TMEM221: variants seen among roughly 807,000 people sequenced by gnomAD.
The protein encoded by TMEM221 is Putative transmembrane protein ENSP00000342162.
TMEM221 carries 11 observed loss-of-function variants against 10.2 expected under a neutral mutation model. The ratio of observed to expected loss-of-function variants is 1.08; its 90% CI spans 0.68 to 1.79. The LOEUF (loss-of-function observed/expected upper bound fraction) is 1.79. TMEM221 is among the 40% of genes most tolerant of loss of function. The pLI is 0.00. For missense variants in TMEM221, 382 were observed against 417.7 expected, an observed-to-expected ratio of 0.91 and a Z score of 0.75; for synonymous variants, 172 against 199.8, an observed-to-expected ratio of 0.86 and a Z score of 1.18.
At position 17,435,837 on chromosome 19, in the gene TMEM221, G is replaced by A. The variant is rs1568396001; in HGVS notation, c.*621C>T. On this transcript the variant is annotated 3_prime_UTR_variant, in exon 3 of 3. Coordinates refer to ENST00000341130, the MANE Select transcript of TMEM221 (RefSeq NM_001190844.2). ...GTCCAGCTCTCCAGCCGTGCCCCTG[G>A]CCCTGGGCTGCTCCAAGCTTGGCAC... 1 of 152,500 alleles carries A rather than the reference G, an allele frequency of 6.6e-6. No individual in the cohort carries two copies. The highest frequency in any genetic ancestry group is 1.9e-4 in the East Asian group (1 of 5,194). The allele number at this position is 152,500 out of a possible 1,614,324, so 9.4% of individuals were successfully genotyped here.
intron 2 of TMEM221, among the ~76,000 whole-genome samples, chr19:17,437,620 C>T (rs907532341): frequency 6.6e-6 from 1 of 152,120 alleles, no homozygotes; most frequent in Non-Finnish European, 1.5e-5. Context: ...CCCAGCTCCT[C>T]AGGAGGCTGA....
Position 17,436,750 on chromosome 19 carries a change from A to G in TMEM221, c.584T>C (p.Leu195Pro). Residue 195 changes from leucine to proline, a missense_variant, in exon 3 of 3, where the codon CTC becomes CCC. Leu to Pro is a moderately conservative substitution (Grantham distance 98). Transcript: ENST00000341130. ...ELSPPSFEDD[L>P]ARPAEVSKAS... ...CTTGGAGACTTCGGCAGGGCGGGCG[A>G]GGTCGTCTTCAAAGGATGGCGGGGA... The G allele has an allele frequency of 6.6e-7, 1 of 1,523,326 alleles. No individual in the cohort carries two copies. The highest frequency in any genetic ancestry group is 8.8e-7 in the Non-Finnish European group (1 of 1,139,024). 94.4% of individuals were successfully genotyped at this position (1,523,326 alleles called of 1,614,324 possible).
chr19:17,445,245 A>G lies in TMEM221; in HGVS notation c.360T>C (p.His120=), dbSNP rs3810209. 0.89 allele frequency: 1,372,563 copies of G among 1,535,686 alleles called. 623,008 individuals are homozygous for G. The highest frequency in any genetic ancestry group is 0.94 in the Non-Finnish European group (1,073,390 of 1,146,644). ...CACAGCAGAAAAGGCCAAGGGCCAC[A>G]TGTCTGAGGAGGCGGCAGTCGTAGA... ...WFLYDCRLLR[H]VALGLFCCGI... The change falls in exon 2 of 3, where the codon CAT becomes CAC. Residue 120 remains histidine, a synonymous_variant. Coordinates refer to ENST00000341130, the MANE Select transcript of TMEM221 (RefSeq NM_001190844.2).
chr19:17,444,663 G>T (rs34625761), intron 2 of TMEM221: 40,287 of 142,734 alleles, frequency 0.28, 7,008 homozygotes, highest in Non-Finnish European at 0.38. Flanking sequence ...GAGGAGCTGG[G>T]ACTACAGGTG....
intron 2 of TMEM221, among the ~76,000 whole-genome samples, chr19:17,438,799 T>G (rs1024863608): frequency 6.6e-6 from 1 of 151,232 alleles, no homozygotes; most frequent in African/African-American, 2.4e-5. Context: ...GGTTTCACCA[T>G]GTTGGTCAGG....
Position 17,443,632 on chromosome 19 carries a change from G to A in TMEM221, c.406+1567C>T, listed in dbSNP as rs116720935. Among the ~76,000 whole-genome samples the A allele has an allele frequency of 3.1e-3, 478 of 151,960 alleles. 1 individual carries two copies. The highest frequency in any genetic ancestry group is 0.011 in the African/African-American group (454 of 41,464). ...ATTATAGGCATGAGCCACCGCGCCC[G>A]GCCTAAATATCTTTTTAAATTTCTA... On this transcript the variant is annotated intron_variant, in intron 2 of 2. Transcript: ENST00000341130.
Position 17,448,505 on chromosome 19 carries a change from A to C in TMEM221, c.-43T>G. On this transcript the variant is annotated 5_prime_UTR_variant, in exon 1 of 3. Transcript: ENST00000341130. This position sits in a 1 kb window ranked among gnomAD's most constrained non-coding sequence, Gnocchi z 4.7. ...GCCGGGGGAAGAGTTGAGGAATTGA[A>C]GTGGTTTTAGAGGGCAGGGGAGTTG... 2 of 1,375,966 alleles carry C rather than the reference A, an allele frequency of 1.5e-6. No homozygotes were observed. Among genetic ancestry groups the C allele is most frequent in the Non-Finnish European group, 1.9e-6 (2 of 1,059,352 alleles). The allele number at this position is 1,375,966 out of a possible 1,614,324, so 85.2% of individuals were successfully genotyped here. A position where few individuals can be genotyped will look rare whatever the true frequency, so the allele number is the denominator to read the frequency against.
At chr19:17,442,919 A>G (rs1285819888) in intron 2 of TMEM221, among the ~76,000 whole-genome samples, 3 of 152,234 alleles carry the variant, frequency 2.0e-5, no homozygotes, top group African/African-American at 7.2e-5. Context: ...CGTGCACTTC[A>G]CATATATAAA....
chr19:17,442,916 T>C (rs990878204), intron 2 of TMEM221, among the ~76,000 whole-genome samples: 2 of 152,160 alleles, frequency 1.3e-5, no homozygotes, highest in Non-Finnish European at 2.9e-5. Flanking sequence ...TTCCGTGCAC[T>C]TCACATATAT....
chr19:17,436,168 A>T lies in TMEM221; in HGVS notation c.*290T>A. ...GCCTCCCCTGCAGCAAGGTATGGCC[A>T]TTTCGCTCTGTTCTGGCCAGTGGGA... On this transcript the variant is annotated 3_prime_UTR_variant, in exon 3 of 3. Coordinates refer to ENST00000341130, the MANE Select transcript of TMEM221 (RefSeq NM_001190844.2). The T allele has an allele frequency of 3.9e-6, 1 of 254,156 alleles. No individual in the cohort carries two copies. The highest frequency in any genetic ancestry group is 7.4e-6 in the Non-Finnish European group (1 of 134,590). 15.7% of individuals were successfully genotyped at this position (254,156 alleles called of 1,614,324 possible).
chr19:17,442,029 C>T (rs192534329), intron 2 of TMEM221, among the ~76,000 whole-genome samples: 1 of 151,838 alleles, frequency 6.6e-6, no homozygotes, highest in Non-Finnish European at 1.5e-5. Context: ...ATAATGTTAC[C>T]TTTTTTTTCC....
intron 1 of TMEM221, 51 bp from the exon 2 acceptor site, chr19:17,445,335 G>A (rs868849640): frequency 1.7e-5 from 25 of 1,459,220 alleles, no homozygotes; most frequent in African/African-American, 2.8e-5. Context: ...TGGAGCTGGT[G>A]GGGGGAGGTC....
Position 17,445,734 on chromosome 19 carries a change from C to G in TMEM221, c.321-450G>C, listed in dbSNP as rs181426281. On this transcript the variant is annotated intron_variant, in intron 1 of 2. Transcript: ENST00000341130. ...TCTGTCCACTTATCCATCCACCCATCCATCCATCCATACTTCCACTCATCC... is the reference window on the plus strand; with the variant it reads ...TCTGTCCACTTATCCATCCACCCATGCATCCATCCATACTTCCACTCATCC... Among the ~76,000 whole-genome samples, 146 of 152,074 alleles carry G rather than the reference C, an allele frequency of 9.6e-4. 2 individuals are homozygous for G. The highest frequency in any genetic ancestry group is 1.3e-3 in the Non-Finnish European group (88 of 67,980).
At chr19:17,442,087 G>T (rs560714876) in intron 2 of TMEM221, among the ~76,000 whole-genome samples, 9 of 152,018 alleles carry the variant, frequency 5.9e-5, no homozygotes, top group African/African-American at 2.2e-4. Flanking sequence ...TTATTCCCTA[G>T]GTCTTTAATA....
At chr19:17,443,524 G>A (rs1269507419) in intron 2 of TMEM221, among the ~76,000 whole-genome samples, 1 of 151,450 alleles carries the variant, frequency 6.6e-6, no homozygotes, top group Non-Finnish European at 1.5e-5. Flanking sequence ...GGGGTGGGGG[G>A]GCGGTTTCAG....
chr19:17,441,321 C>T (rs991649078), intron 2 of TMEM221, among the ~76,000 whole-genome samples: 2 of 151,862 alleles, frequency 1.3e-5, no homozygotes, highest in African/African-American at 2.4e-5. Context: ...CATCGTAGGA[C>T]GTTTAGCAGC....
intron 2 of TMEM221, among the ~76,000 whole-genome samples, chr19:17,443,135 G>T (rs1164053181): frequency 6.6e-6 from 1 of 151,858 alleles, no homozygotes; most frequent in Non-Finnish European, 1.5e-5. Context: ...CAAAAAATTA[G>T]CTGGGCGTGG....
intron 1 of TMEM221, among the ~76,000 whole-genome samples, chr19:17,447,786 G>C (rs1284757525): frequency 6.6e-6 from 1 of 152,154 alleles, no homozygotes; most frequent in Non-Finnish European, 1.5e-5. Context: ...TTCAAGTCCA[G>C]CACTGTCCCG....
intron 2 of TMEM221, among the ~76,000 whole-genome samples, chr19:17,437,601 G>A (rs1045341515): frequency 1.3e-5 from 2 of 152,154 alleles, no homozygotes; most frequent in African/African-American, 2.4e-5. Context: ...CGTGGCGGGC[G>A]CCTGTAATCC....
Sources: gnomAD v4.1 joint callset for allele counts (sites outside exome capture counted in the v4.1 genomes callset) on GRCh38, gnomAD v4.1.1 for gene constraint, Gnocchi (gnomAD v3.1) non-coding constraint, MANE v1.5 for transcripts, NCBI Gene and HGNC (gene_info 2026-07-23, HGNC 2026-07-21) for gene names.